SLC1A2: variants seen among roughly 807,000 people sequenced by gnomAD.
SLC1A2 encodes excitatory amino acid transporter 2.
Under a neutral mutation model 48.8 loss-of-function variants are expected in SLC1A2, and 15 were observed. That is an observed-to-expected ratio of 0.31 (90% confidence interval 0.21 to 0.47). The LOEUF (loss-of-function observed/expected upper bound fraction) is 0.47, where lower values mean the gene tolerates loss of function less well. Ranked by LOEUF, SLC1A2 falls within the 20% of genes least tolerant of loss-of-function variation. The pLI is 0.99. For missense variants in SLC1A2, 502 were observed against 730.5 expected (o/e 0.69, Z 3.61); for synonymous variants, 279 against 272.6 (o/e 1.02, Z -0.23).
intron 1 of SLC1A2, among the ~76,000 whole-genome samples, chr11:35,339,251 C>T (rs193143474): frequency 5.5e-4 from 84 of 152,326 alleles, no homozygotes; most frequent in Non-Finnish European, 1.1e-3. Flanking sequence ...AACATGGAAT[C>T]AGGGAATCTC....
intron 10 of SLC1A2, among the ~76,000 whole-genome samples, chr11:35,261,498 A>G (rs1474828470): frequency 6.6e-6 from 1 of 152,226 alleles, no homozygotes; most frequent in Admixed American, 6.5e-5. Flanking sequence ...GGGAGAATTA[A>G]AAGTCTGAGA....
rs533502411 is a variant in SLC1A2 at position 35,253,927 on chromosome 11, T to A, written c.*6967A>T. ...ATAACATTATTAAAGGCTAAATTAA[T>A]ATTAAACATATAACATCCAGGTCTA... is the stretch of plus-strand genomic sequence containing the variant. On this transcript the variant is annotated 3_prime_UTR_variant, in exon 11 of 11. Coordinates refer to ENST00000278379, the MANE Select transcript of SLC1A2 (RefSeq NM_004171.4). 3.3e-5 allele frequency: 5 copies of A among 152,658 alleles called. No individual in the cohort carries two copies. The South Asian group carries it at 1.0e-3, about 32-fold the overall frequency. The allele number at this position is 152,658 out of a possible 1,614,324, so 9.5% of individuals were successfully genotyped here.
At chr11:35,275,888 T>C (rs1850425593) in intron 9 of SLC1A2, among the ~76,000 whole-genome samples, 2 of 152,136 alleles carry the variant, frequency 1.3e-5, no homozygotes, top group African/African-American at 4.8e-5. Context: ...TACACACTAA[T>C]GAGCACCCAA....
chr11:35,280,167 T>C (rs867300906), intron 9 of SLC1A2, among the ~76,000 whole-genome samples: 4 of 150,620 alleles, frequency 2.7e-5, no homozygotes, highest in African/African-American at 1.0e-4. Context: ...CTTTCTTTTT[T>C]CTTTTTTTTT....
chr11:35,267,310 C>T (rs1850122639), intron 9 of SLC1A2, among the ~76,000 whole-genome samples: 1 of 152,178 alleles, frequency 6.6e-6, no homozygotes, highest in Non-Finnish European at 1.5e-5. Context: ...TCATACTTGA[C>T]ATTTGAGAGC....
At chr11:35,306,434 A>G (rs72925168) in intron 4 of SLC1A2, among the ~76,000 whole-genome samples, 192 bp from the exon 5 acceptor site, 3,302 of 152,356 alleles carry the variant, frequency 0.022, 52 homozygotes, top group Non-Finnish European at 0.031. Context: ...TATTATACAC[A>G]GTGAGATACA....
intron 1 of SLC1A2, among the ~76,000 whole-genome samples, chr11:35,382,788 T>C (rs1854471545): frequency 6.7e-6 from 1 of 148,188 alleles, no homozygotes. Flanking sequence ...AGAGCGAGAC[T>C]CAGTCTCAAA....
intron 1 of SLC1A2, among the ~76,000 whole-genome samples, chr11:35,406,532 G>A (rs1009056930): frequency 1.3e-5 from 2 of 152,078 alleles, no homozygotes; most frequent in Non-Finnish European, 2.9e-5. Flanking sequence ...AATGGTGGTA[G>A]GGTAGAAAGT....
chr11:35,298,375 T>A (rs894256646), intron 6 of SLC1A2: 34 of 152,290 alleles, frequency 2.2e-4, no homozygotes, highest in South Asian at 2.1e-4. Context: ...AATGTTACAT[T>A]CTGCTATTAT....
At chr11:35,292,150 G>A (rs1050871509) in intron 7 of SLC1A2, 137 bp downstream of exon 7, 17 of 697,004 alleles carry the variant, frequency 2.4e-5, no homozygotes, top group South Asian at 1.1e-4. Flanking sequence ...CAAATCATTC[G>A]CCTTTTCCAA....
At chr11:35,410,309 C>A (rs1434114102) in intron 1 of SLC1A2, among the ~76,000 whole-genome samples, 1 of 152,096 alleles carries the variant, frequency 6.6e-6, no homozygotes, top group African/African-American at 2.4e-5. Context: ...ACTGTTCTCC[C>A]AATTTTCAAG....
At chr11:35,280,516 A>T (rs1850593558) in intron 9 of SLC1A2, 1 of 197,600 alleles carries the variant, frequency 5.1e-6, no homozygotes, top group Non-Finnish European at 1.0e-5. Context: ...TTAGAGCTTC[A>T]TATAAATGGA....
At chr11:35,392,625 G>T (rs534608954) in intron 1 of SLC1A2, among the ~76,000 whole-genome samples, 1 of 152,308 alleles carries the variant, frequency 6.6e-6, no homozygotes. Context: ...CCCTTTGGCT[G>T]CCTAAATTAA....
intron 1 of SLC1A2, among the ~76,000 whole-genome samples, chr11:35,415,135 A>G (rs754958891): frequency 2.6e-5 from 4 of 152,252 alleles, no homozygotes; most frequent in Non-Finnish European, 4.4e-5. Context: ...CGTTTTTTGC[A>G]GCTGAAGCAT....
intron 1 of SLC1A2, among the ~76,000 whole-genome samples, chr11:35,375,615 T>C (rs1183106640): frequency 6.6e-6 from 1 of 152,136 alleles, no homozygotes; most frequent in Non-Finnish European, 1.5e-5. Context: ...GCTATTTCAG[T>C]TGGGCCACGA....
In SLC1A2 at chr11:35,317,405, C is replaced by A. The variant is rs1208998645; in HGVS notation, c.129G>T (p.Lys43Asn). ...ACACCGTCAGGGTGAGCAGCAGATTCTTCCCCAGCTTGTCACACAGGCGCA... is the reference window on the plus strand; with the variant it reads ...ACACCGTCAGGGTGAGCAGCAGATTATTCCCCAGCTTGTCACACAGGCGCA... ...LGLRLCDKLG[K>N]NLLLTLTVFG... is the part of the protein sequence containing the mutation. Residue 43 changes from lysine (K) to asparagine (N), a missense_variant, in exon 2 of 11, where the codon AAG (lysine) becomes AAT (asparagine). This residue lies in a region of SLC1A2 where 89 missense variants were observed against 119.7 expected (regional missense o/e 0.74). Coordinates refer to ENST00000278379, the MANE Select transcript of SLC1A2 (RefSeq NM_004171.4). The A allele has an allele frequency of 1.2e-6, 2 of 1,613,988 alleles. No homozygotes were observed. The highest frequency in any genetic ancestry group is 2.7e-5 in the African/African-American group (2 of 74,930).
At chr11:35,368,000 A>G (rs562704246) in intron 1 of SLC1A2, among the ~76,000 whole-genome samples, 66 of 152,248 alleles carry the variant, frequency 4.3e-4, no homozygotes, top group Non-Finnish European at 7.6e-4. Flanking sequence ...GTTTGTTAAA[A>G]ATGGAGGTTA....
chr11:35,334,641 G>A (rs138532307), intron 1 of SLC1A2, among the ~76,000 whole-genome samples: 3 of 152,236 alleles, frequency 2.0e-5, no homozygotes, highest in African/African-American at 7.2e-5. Context: ...TCTCTGCATG[G>A]CCCCTTATTA....
intron 9 of SLC1A2, among the ~76,000 whole-genome samples, chr11:35,280,089 A>G (rs1850576126): frequency 6.6e-6 from 1 of 152,178 alleles, no homozygotes; most frequent in African/African-American, 2.4e-5. Flanking sequence ...TCACTCCCAA[A>G]GGTTTCCTTG....
Sources: allele counts gnomAD v4.1 joint callset (sites outside exome capture counted in the v4.1 genomes callset), GRCh38; gene constraint gnomAD v4.1.1; regional missense constraint gnomAD v4.1.1; transcripts MANE v1.5; gene names NCBI Gene and HGNC (gene_info 2026-07-23, HGNC 2026-07-21).